The following TBCA variants were observed in gnomAD, a reference collection of about 807,000 sequenced individuals.
TBCA encodes the protein tubulin-specific chaperone A.
Under a neutral mutation model 15.8 loss-of-function variants are expected in TBCA, and 6 were observed. The observed-to-expected ratio is 0.38, with a 90% confidence interval of 0.21 to 0.75. The LOEUF is 0.75. Among genes scored for constraint, TBCA ranks in the 30% least tolerant of loss-of-function variants. The probability of loss-of-function intolerance (pLI) is 0.46; values close to 1 mark genes in which losing one functional copy is unlikely to be tolerated. For missense variants in TBCA, 90 were observed against 131.2 expected (o/e 0.69, Z 1.53); for synonymous variants, 32 against 42.3 (o/e 0.76, Z 0.94).
At chr5:77,770,153 A>G (rs1035347988) in intron 1 of TBCA, among the ~76,000 whole-genome samples, 2 of 152,234 alleles carry the variant, frequency 1.3e-5, no homozygotes, top group African/African-American at 2.4e-5. Context: ...AAACTTTTTT[A>G]TGAACACAAA....
At chr5:77,730,488 T>C (rs1416723918) in intron 1 of TBCA, among the ~76,000 whole-genome samples, 1 of 152,256 alleles carries the variant, frequency 6.6e-6, no homozygotes. Flanking sequence ...TAGTTGTTTT[T>C]ATGCCACCCA....
chr5:77,767,195 A>G (rs1410337105), intron 1 of TBCA, among the ~76,000 whole-genome samples: 1 of 152,224 alleles, frequency 6.6e-6, no homozygotes, highest in Non-Finnish European at 1.5e-5. Flanking sequence ...AAATCATGAC[A>G]TTAGTATTAT....
intron 2 of TBCA, among the ~76,000 whole-genome samples, chr5:77,695,137 T>C (rs1177136844): frequency 1.3e-5 from 2 of 152,170 alleles, no homozygotes; most frequent in African/African-American, 4.8e-5. Context: ...AGTCACAATA[T>C]GTGTTTGTAA....
At chr5:77,722,773 AGGT>A (rs1746553730) in intron 1 of TBCA, among the ~76,000 whole-genome samples, 2 of 151,892 alleles carry the variant, frequency 1.3e-5, no homozygotes, top group African/African-American at 2.4e-5. Context: ...TAAATTTCTA[AGGT>A]GTAGTTCTAC....
At chr5:77,755,910 G>A (rs1168685278) in intron 1 of TBCA, among the ~76,000 whole-genome samples, 7 of 151,890 alleles carry the variant, frequency 4.6e-5, no homozygotes, top group African/African-American at 9.7e-5. Context: ...AGGCTGAGGC[G>A]GGAGGATAGC....
chr5:77,740,843 A>C (rs1747014822), intron 1 of TBCA, among the ~76,000 whole-genome samples: 1 of 152,228 alleles, frequency 6.6e-6, no homozygotes, highest in Non-Finnish European at 1.5e-5. Context: ...GCTACACTTG[A>C]TCAAAAACTA....
intron 1 of TBCA, among the ~76,000 whole-genome samples, chr5:77,772,078 T>C (rs1449461586): frequency 6.7e-6 from 1 of 150,212 alleles, no homozygotes; most frequent in East Asian, 1.9e-4. Flanking sequence ...TTTTAAACCA[T>C]TGATTAAAAA....
intron 1 of TBCA, among the ~76,000 whole-genome samples, chr5:77,775,123 A>G (rs146445287): frequency 0.011 from 1,688 of 152,304 alleles, 19 homozygotes; most frequent in Middle Eastern, 0.031. Flanking sequence ...CTTCACAGGT[A>G]TGGGACAAAG....
intron 1 of TBCA, among the ~76,000 whole-genome samples, chr5:77,735,529 A>T (rs1204559083): frequency 6.6e-6 from 1 of 152,104 alleles, no homozygotes; most frequent in Non-Finnish European, 1.5e-5. Context: ...GTCAAACATG[A>T]CCCCCAATTC....
At chr5:77,706,999 T>C (rs1465407892) in intron 2 of TBCA, among the ~76,000 whole-genome samples, 2 of 152,114 alleles carry the variant, frequency 1.3e-5, no homozygotes, top group Non-Finnish European at 2.9e-5. Context: ...AATTGTTTTT[T>C]GTTTGGGAGA....
At chr5:77,741,299 T>C (rs906835216) in intron 1 of TBCA, among the ~76,000 whole-genome samples, 3 of 152,132 alleles carry the variant, frequency 2.0e-5, no homozygotes, top group Non-Finnish European at 4.4e-5. Flanking sequence ...CTGAATGCTA[T>C]TGAGAAGAAA....
chr5:77,692,957 T>C, intron 3 of TBCA: 3 of 1,314,458 alleles, frequency 2.3e-6, no homozygotes, highest in Non-Finnish European at 2.9e-6. Flanking sequence ...TCTCAAAAGA[T>C]CTTTATGTAT....
At chr5:77,722,506 G>A (rs1442248575) in intron 1 of TBCA, among the ~76,000 whole-genome samples, 2 of 151,882 alleles carry the variant, frequency 1.3e-5, no homozygotes, top group African/African-American at 4.8e-5. Context: ...TAAACTTTTG[G>A]AAATTCCAAA....
intron 1 of TBCA, among the ~76,000 whole-genome samples, chr5:77,758,957 C>T (rs1253208974): frequency 1.3e-5 from 2 of 152,194 alleles, no homozygotes; most frequent in Non-Finnish European, 2.9e-5. Context: ...CGGGGACCAT[C>T]AGGAAACTGC....
intron 2 of TBCA, among the ~76,000 whole-genome samples, chr5:77,695,472 G>A (rs1322199697): frequency 1.3e-5 from 2 of 152,146 alleles, no homozygotes; most frequent in Non-Finnish European, 2.9e-5. Context: ...AGAAGATCAT[G>A]CCACAGAGAG....
intron 1 of TBCA, among the ~76,000 whole-genome samples, chr5:77,761,047 G>C (rs1440058167): frequency 2.0e-5 from 3 of 151,280 alleles, no homozygotes; most frequent in African/African-American, 7.3e-5. Flanking sequence ...CGCCCCGTCT[G>C]GGAAGTGAGG....
At chr5:77,771,478 C>T in intron 1 of TBCA, among the ~76,000 whole-genome samples, 1 of 152,170 alleles carries the variant, frequency 6.6e-6, no homozygotes, top group East Asian at 1.9e-4. Context: ...AGATGCTTTG[C>T]CATTTACTGT....
At chr5:77,694,161 C>T (rs1046231553) in intron 2 of TBCA, 1 of 152,124 alleles carries the variant, frequency 6.6e-6, no homozygotes, top group African/African-American at 2.4e-5. Flanking sequence ...GAGGTTCACA[C>T]TGAAAGAGAG....
intron 2 of TBCA, among the ~76,000 whole-genome samples, chr5:77,707,744 T>C (rs537061544): frequency 6.6e-6 from 1 of 152,352 alleles, no homozygotes; most frequent in African/African-American, 2.4e-5. Context: ...TTTGTGAATC[T>C]AAATATATAA....
Sources: allele counts gnomAD v4.1 joint callset (sites outside exome capture counted in the v4.1 genomes callset), GRCh38; gene constraint gnomAD v4.1.1; transcripts MANE v1.5; gene names NCBI Gene and HGNC (gene_info 2026-07-23, HGNC 2026-07-21).